CDH10: variants seen among roughly 807,000 people sequenced by gnomAD.
CDH10 encodes cadherin-10.
Under a neutral mutation model 73.1 loss-of-function variants are expected in CDH10, and 30 were observed. The observed-to-expected ratio is 0.41, with a 90% CI of 0.31 to 0.56. CDH10 has a LOEUF of 0.56. Among genes scored for constraint, CDH10 ranks in the 20% least tolerant of loss-of-function variants. The pLI is 0.27. For missense variants in CDH10, 815 were observed against 973.7 expected, an observed-to-expected ratio of 0.84 and a Z score of 2.17; for synonymous variants, 345 against 348.2, an observed-to-expected ratio of 0.99 and a Z score of 0.10.
intron 2 of CDH10, among the ~76,000 whole-genome samples, chr5:24,569,197 A>C (rs757713752): frequency 7.2e-5 from 11 of 152,128 alleles, no homozygotes; most frequent in Non-Finnish European, 1.5e-4. Context: ...AATTACTTAG[A>C]ATAAGCAAAT....
At chr5:24,603,388 A>G (rs1035639038) in intron 1 of CDH10, among the ~76,000 whole-genome samples, 4 of 152,232 alleles carry the variant, frequency 2.6e-5, no homozygotes, top group Admixed American at 2.6e-4. Context: ...AATATCAACA[A>G]CAAAACAAAA....
intron 2 of CDH10, among the ~76,000 whole-genome samples, chr5:24,575,711 A>T (rs1745575961): frequency 6.6e-6 from 1 of 152,094 alleles, no homozygotes; most frequent in Admixed American, 6.5e-5. Flanking sequence ...TTTTTGTAAC[A>T]TTGTTTCCAG....
chr5:24,529,733 G>A (rs1743660845), intron 5 of CDH10, among the ~76,000 whole-genome samples: 1 of 151,828 alleles, frequency 6.6e-6, no homozygotes, highest in East Asian at 1.9e-4. Flanking sequence ...TTTGCTTGGA[G>A]TTTGTAAGGA....
intron 2 of CDH10, among the ~76,000 whole-genome samples, chr5:24,556,866 A>C (rs1232013138): frequency 6.6e-6 from 1 of 151,912 alleles, no homozygotes; most frequent in Non-Finnish European, 1.5e-5. Context: ...ATATTATTAC[A>C]CATTCAATTG....
At chr5:24,525,414 T>C in intron 5 of CDH10, among the ~76,000 whole-genome samples, 1 of 152,082 alleles carries the variant, frequency 6.6e-6, no homozygotes, top group Non-Finnish European at 1.5e-5. Context: ...TATTGTAACA[T>C]CGCTATGCTG....
At chr5:24,572,860 A>C (rs545358303) in intron 2 of CDH10, among the ~76,000 whole-genome samples, 3 of 151,702 alleles carry the variant, frequency 2.0e-5, no homozygotes, top group African/African-American at 7.3e-5. Context: ...ATCTGTAAAA[A>C]ACTGGGACAG....
chr5:24,491,484 T>C (rs1343706038), intron 11 of CDH10, 92 bp downstream of exon 11: 3 of 1,029,182 alleles, frequency 2.9e-6, no homozygotes, highest in Non-Finnish European at 4.3e-6. Flanking sequence ...AAATTTGGGG[T>C]GGTTTTGGGG....
In CDH10 at chr5:24,593,241, C is replaced by T. The variant is rs1253990976; in HGVS notation, c.231+19G>A. ...ATAAAGAGCAAATATAAACACGTGC[C>T]ATTTTAACACAAGCTTACCTTGCCT... On this transcript the variant is annotated intron_variant, in intron 2 of 11. Transcript: ENST00000264463. 1.5e-6 allele frequency: 2 copies of T among 1,345,068 alleles called. No homozygotes were observed. The highest frequency in any genetic ancestry group is 2.9e-5 in the African/African-American group (2 of 69,276). 83.3% of individuals were successfully genotyped at this position (1,345,068 alleles called of 1,614,324 possible).
chr5:24,493,194 C>A (rs1462260066), intron 9 of CDH10, among the ~76,000 whole-genome samples: 2 of 151,704 alleles, frequency 1.3e-5, no homozygotes, highest in African/African-American at 2.4e-5. Context: ...TTAGATATAG[C>A]ACTTAAAATG....
intron 2 of CDH10, chr5:24,553,940 T>C (rs535310259): frequency 5.1e-4 from 77 of 151,546 alleles, no homozygotes; most frequent in African/African-American, 1.8e-3. Context: ...GCTATCCAGT[T>C]GTCTGGCTGC....
At chr5:24,521,234 C>G (rs567782433) in intron 5 of CDH10, among the ~76,000 whole-genome samples, 1 of 152,102 alleles carries the variant, frequency 6.6e-6, no homozygotes, top group Admixed American at 6.6e-5. Context: ...TACAAGCTCA[C>G]GCTAAATATG....
intron 1 of CDH10, among the ~76,000 whole-genome samples, chr5:24,610,575 T>A (rs1746908983): frequency 6.6e-6 from 1 of 152,192 alleles, no homozygotes; most frequent in Non-Finnish European, 1.5e-5. Flanking sequence ...CTCTACCGAA[T>A]GGAATTATGA....
chr5:24,528,117 TC>T (rs1289082738), intron 5 of CDH10, among the ~76,000 whole-genome samples: 4 of 151,868 alleles, frequency 2.6e-5, no homozygotes, highest in Admixed American at 6.6e-5. Context: ...TGAGGGAAAA[TC>T]TGACAGAAGT....
chr5:24,600,355 T>G (rs1746515819), intron 1 of CDH10, among the ~76,000 whole-genome samples: 1 of 152,166 alleles, frequency 6.6e-6, no homozygotes. Context: ...ATAAATAGGG[T>G]CATTGATGCT....
At chr5:24,518,604 T>G (rs2111801957) in intron 5 of CDH10, among the ~76,000 whole-genome samples, 1 of 152,196 alleles carries the variant, frequency 6.6e-6, no homozygotes, top group South Asian at 2.1e-4. Flanking sequence ...TTTTGAAATT[T>G]TCCACTGAGG....
chr5:24,616,902 T>C (rs1215940427), intron 1 of CDH10, among the ~76,000 whole-genome samples: 1 of 152,166 alleles, frequency 6.6e-6, no homozygotes, highest in Non-Finnish European at 1.5e-5. Context: ...TTAAAAAAAT[T>C]CAAGGACATT....
chr5:24,523,829 G>A (rs572190828), intron 5 of CDH10, among the ~76,000 whole-genome samples: 2 of 152,088 alleles, frequency 1.3e-5, no homozygotes, highest in African/African-American at 4.8e-5. Context: ...AGACTTAAAC[G>A]GGAAAGTGAT....
chr5:24,488,790 GA>G (rs1353142398), intron 11 of CDH10, among the ~76,000 whole-genome samples: 1 of 105,110 alleles, frequency 9.5e-6, no homozygotes, highest in African/African-American at 3.3e-5. Context: ...CCTTGCATGA[GA>G]CCCCCCCCCC....
At chr5:24,554,117 G>GAGAGAGAGAGAGAGAGAGAGAGA (rs1377523348) in intron 2 of CDH10, 2 of 41,838 alleles carry the variant, frequency 4.8e-5, no homozygotes, top group African/African-American at 1.6e-4. Context: ...TGGGCGGGGG[G>GAGAGAGAGAGAGAGAGAGAGAGA]GGGAGAGAGA....
Sources: gnomAD v4.1 joint callset for allele counts (sites outside exome capture counted in the v4.1 genomes callset) on GRCh38, gnomAD v4.1.1 for gene constraint, MANE v1.5 for transcripts, NCBI Gene and HGNC (gene_info 2026-07-23, HGNC 2026-07-21) for gene names.